The following CDYL2 variants were observed in gnomAD, a reference collection of about 807,000 sequenced individuals.
The protein encoded by CDYL2 is chromodomain Y like 2.
A neutral mutation model predicts 49.4 loss-of-function variants in CDYL2; 23 were observed. That is an observed-to-expected ratio of 0.47 (90% CI 0.34 to 0.66). CDYL2 has a LOEUF of 0.66. CDYL2 is among the 30% of genes least tolerant of loss of function. The probability of loss-of-function intolerance (pLI) is 0.01; values close to 1 mark genes in which losing one functional copy is unlikely to be tolerated. For synonymous variants in CDYL2, 360 were observed against 268.8 expected (o/e 1.34, Z -3.32); for missense variants, 678 against 656.4 (o/e 1.03, Z -0.36).
intron 1 of CDYL2, among the ~76,000 whole-genome samples, chr16:80,784,202 A>G (rs1457618213): frequency 6.6e-6 from 1 of 152,006 alleles, no homozygotes; most frequent in Non-Finnish European, 1.5e-5. Context: ...TTCCTTCTTT[A>G]TGGTTTCCTT....
At chr16:80,721,974 T>C (rs1374676812) in intron 1 of CDYL2, among the ~76,000 whole-genome samples, 1 of 152,194 alleles carries the variant, frequency 6.6e-6, no homozygotes, top group Non-Finnish European at 1.5e-5. Context: ...TGTTAGCTGT[T>C]ACAAAATTCT....
At chr16:80,724,451 A>G (rs1271303487) in intron 1 of CDYL2, among the ~76,000 whole-genome samples, 1 of 152,034 alleles carries the variant, frequency 6.6e-6, no homozygotes, top group Non-Finnish European at 1.5e-5. Context: ...AAAATCTGTA[A>G]AACTCTGGAG....
intron 1 of CDYL2, among the ~76,000 whole-genome samples, chr16:80,701,002 C>G (rs1904297668): frequency 6.6e-6 from 1 of 152,198 alleles, no homozygotes; most frequent in African/African-American, 2.4e-5. Context: ...GGCAGAAGAT[C>G]CCACTAAACA....
chr16:80,709,921 G>A (rs576474067), intron 1 of CDYL2, among the ~76,000 whole-genome samples: 1 of 148,784 alleles, frequency 6.7e-6, no homozygotes, highest in African/African-American at 2.5e-5. Context: ...ATTATGGACA[G>A]CAGGCTGATT....
intron 2 of CDYL2, among the ~76,000 whole-genome samples, chr16:80,682,924 C>A (rs1910026884): frequency 6.6e-6 from 1 of 152,226 alleles, no homozygotes; most frequent in Admixed American, 6.5e-5. Context: ...GTGAGTCAGT[C>A]TGGGGCAAAG....
chr16:80,723,137 G>T (rs902050319), intron 1 of CDYL2, among the ~76,000 whole-genome samples: 1 of 152,188 alleles, frequency 6.6e-6, no homozygotes, highest in Non-Finnish European at 1.5e-5. Flanking sequence ...GCTTCCAAGT[G>T]CACTTAGATG....
chr16:80,606,531 T>G (rs1906341890), intron 6 of CDYL2, among the ~76,000 whole-genome samples: 2 of 152,156 alleles, frequency 1.3e-5, no homozygotes, highest in African/African-American at 4.8e-5. Flanking sequence ...CTACACTCCC[T>G]GTGGATTTCC....
At chr16:80,639,616 C>G (rs184628637) in intron 2 of CDYL2, 3 of 451,172 alleles carry the variant, frequency 6.6e-6, no homozygotes, top group South Asian at 4.7e-5. Context: ...TAACAACTGT[C>G]TACACACAAA....
chr16:80,741,098 G>T (rs1372975883), intron 1 of CDYL2, among the ~76,000 whole-genome samples: 1 of 150,350 alleles, frequency 6.7e-6, no homozygotes, highest in Non-Finnish European at 1.5e-5. Flanking sequence ...CTACAATAAG[G>T]TAGTAAGTAA....
At chr16:80,616,875 G>T (rs535955617) in intron 4 of CDYL2, among the ~76,000 whole-genome samples, 1 of 152,298 alleles carries the variant, frequency 6.6e-6, no homozygotes, top group Admixed American at 6.5e-5. Flanking sequence ...CCATCATTTT[G>T]ATTGTTCCCA....
At chr16:80,722,117 T>C (rs1383540048) in intron 1 of CDYL2, among the ~76,000 whole-genome samples, 1 of 152,062 alleles carries the variant, frequency 6.6e-6, no homozygotes, top group Non-Finnish European at 1.5e-5. Flanking sequence ...ATAATAGAGG[T>C]GTTTCTTTTA....
chr16:80,777,349 C>G (rs1907121454), intron 1 of CDYL2, among the ~76,000 whole-genome samples: 1 of 151,048 alleles, frequency 6.6e-6, no homozygotes, highest in African/African-American at 2.4e-5. Context: ...AAAAAGTAAA[C>G]AGATGAAGGA....
intron 2 of CDYL2, among the ~76,000 whole-genome samples, chr16:80,672,352 C>CACACAGAGAG (rs68130206): frequency 0.057 from 6,719 of 117,406 alleles, 196 homozygotes; most frequent in South Asian, 0.1. Context: ...CACACACACA[C>CACACAGAGAG]AGAGAGAGAG....
intron 2 of CDYL2, among the ~76,000 whole-genome samples, chr16:80,666,961 C>T (rs72806164): frequency 0.017 from 2,649 of 152,300 alleles, 30 homozygotes; most frequent in Middle Eastern, 0.034. Context: ...AGCTTCTGAT[C>T]GAGTGAAAGA....
chr16:80,616,785 T>C (rs146872435), intron 4 of CDYL2, among the ~76,000 whole-genome samples: 141 of 152,334 alleles, frequency 9.3e-4, no homozygotes, highest in Middle Eastern at 3.4e-3. Flanking sequence ...AAGAACATAT[T>C]AGTGCCAGGA....
chr16:80,611,917 T>C (rs1567539349), intron 5 of CDYL2, among the ~76,000 whole-genome samples: 2 of 152,256 alleles, frequency 1.3e-5, no homozygotes. Flanking sequence ...ACAGTGGCTC[T>C]GTCTGCCCCA....
At chr16:80,737,260 T>C (rs894875689) in intron 1 of CDYL2, among the ~76,000 whole-genome samples, 2 of 152,180 alleles carry the variant, frequency 1.3e-5, no homozygotes, top group Non-Finnish European at 2.9e-5. Context: ...TTGCAGAGGA[T>C]GGATTTGCTT....
intron 1 of CDYL2, among the ~76,000 whole-genome samples, chr16:80,771,132 C>G (rs1481068460): frequency 1.3e-5 from 2 of 152,186 alleles, no homozygotes; most frequent in South Asian, 2.1e-4. Context: ...TAAGATGATC[C>G]TATATTTCTC....
intron 3 of CDYL2, among the ~76,000 whole-genome samples, chr16:80,626,285 A>AAG (rs1449092073): frequency 6.6e-6 from 1 of 151,252 alleles, no homozygotes; most frequent in Non-Finnish European, 1.5e-5. Flanking sequence ...TAAAAAAAAA[A>AAG]AAAAAAAAAA....
Sources: gnomAD v4.1 joint callset for allele counts (sites outside exome capture counted in the v4.1 genomes callset) on GRCh38, gnomAD v4.1.1 for gene constraint, MANE v1.5 for transcripts, NCBI Gene and HGNC (gene_info 2026-07-23, HGNC 2026-07-21) for gene names.